The following RPS6KA5 variants were observed in gnomAD, a reference collection of about 807,000 sequenced individuals.
RPS6KA5 encodes ribosomal protein S6 kinase alpha-5.
Under a neutral mutation model 85.5 loss-of-function variants are expected in RPS6KA5, and 27 were observed. That is an observed-to-expected ratio of 0.32 (90% CI 0.23 to 0.44). The LOEUF (loss-of-function observed/expected upper bound fraction) is 0.44, where lower values mean the gene tolerates loss of function less well. RPS6KA5 is among the 20% of genes least tolerant of loss of function. RPS6KA5 has a pLI of 1.00. For missense variants in RPS6KA5, 811 were observed against 980.9 expected, an observed-to-expected ratio of 0.83 and a Z score of 2.31; for synonymous variants, 334 against 348.2, an observed-to-expected ratio of 0.96 and a Z score of 0.46.
At chr14:91,050,007 G>A (rs1566908809) in intron 1 of RPS6KA5, among the ~76,000 whole-genome samples, 1 of 152,216 alleles carries the variant, frequency 6.6e-6, no homozygotes, top group African/African-American at 2.4e-5. Flanking sequence ...TCATTATGCA[G>A]CTCATGAATA....
chr14:90,910,629 A>G (rs1266100608), intron 7 of RPS6KA5, among the ~76,000 whole-genome samples: 3 of 151,708 alleles, frequency 2.0e-5, no homozygotes, highest in African/African-American at 7.3e-5. Context: ...ACCTTTAAGC[A>G]CAAGTCTTAG....
chr14:90,894,727 G>T, intron 12 of RPS6KA5, 144 bp from the exon 13 acceptor site: 1 of 1,005,652 alleles, frequency 9.9e-7, no homozygotes, highest in Non-Finnish European at 1.4e-6. Flanking sequence ...ATATCTTAGA[G>T]AAAAGGGCTG....
At chr14:91,003,937 A>G (rs2040893311) in intron 1 of RPS6KA5, among the ~76,000 whole-genome samples, 1 of 152,244 alleles carries the variant, frequency 6.6e-6, no homozygotes, top group Non-Finnish European at 1.5e-5. Context: ...GTATCTGCAC[A>G]GGGCAAAGGG....
chr14:90,918,874 G>T (rs938781561), intron 7 of RPS6KA5, among the ~76,000 whole-genome samples: 4 of 151,976 alleles, frequency 2.6e-5, no homozygotes, highest in Non-Finnish European at 1.5e-5. Flanking sequence ...CTGTAACTTA[G>T]AACAAAGTTT....
At chr14:90,914,309 GTTTT>G (rs10658805) in intron 7 of RPS6KA5, among the ~76,000 whole-genome samples, 8 of 81,520 alleles carry the variant, frequency 9.8e-5, no homozygotes, top group African/African-American at 2.9e-4. Context: ...GATCCCTAGG[GTTTT>G]TTTTTTTTTT....
At chr14:91,011,916 A>T (rs990677748) in intron 1 of RPS6KA5, among the ~76,000 whole-genome samples, 1 of 152,362 alleles carries the variant, frequency 6.6e-6, no homozygotes, top group East Asian at 1.9e-4. Context: ...GAACAATTAT[A>T]AAAAGTAACA....
chr14:90,877,202 T>C lies in RPS6KA5; in HGVS notation c.1837-1842A>G, dbSNP rs1350391199. Reference sequence around the variant, plus strand: ...CTGAGAAGAATAAAAACTATATGCATGAGAATGCGCAGAGTTTGAAAATAG... The same window carrying C: ...CTGAGAAGAATAAAAACTATATGCACGAGAATGCGCAGAGTTTGAAAATAG... On this transcript the variant is annotated intron_variant, in intron 14 of 16. Coordinates refer to ENST00000614987, the MANE Select transcript of RPS6KA5 (RefSeq NM_004755.4). Among the ~76,000 whole-genome samples, 4 of 152,234 alleles carry C rather than the reference T, an allele frequency of 2.6e-5. No individual in the cohort carries two copies. In the East Asian group the frequency reaches 7.7e-4, roughly 29 times the overall value.
chr14:90,980,110 T>C (rs180831390), intron 2 of RPS6KA5, among the ~76,000 whole-genome samples: 123 of 152,278 alleles, frequency 8.1e-4, no homozygotes, highest in African/African-American at 2.8e-3. Context: ...ATCAACAAGA[T>C]GAAATGACAA....
rs548407948 is a variant in RPS6KA5, at chr14:90,904,208, C to T, written c.958-1239G>A. Among the ~76,000 whole-genome samples, 18 of 152,094 alleles carry T rather than the reference C, an allele frequency of 1.2e-4. No homozygotes were observed. The South Asian group carries it at 1.2e-3, about 11-fold the overall frequency. On this transcript the variant is annotated intron_variant, in intron 8 of 16. Transcript: ENST00000614987. ...TAGTGATCCGCCCACCTTGGCCTCC[C>T]GAAGTGCTTCAGAAAGGTGTTAAGC...
At chr14:90,930,577 G>A (rs2036920692) in intron 5 of RPS6KA5, among the ~76,000 whole-genome samples, 1 of 151,910 alleles carries the variant, frequency 6.6e-6, no homozygotes, top group Non-Finnish European at 1.5e-5. Context: ...AATATCGAAG[G>A]AAAGAAACAG....
intron 14 of RPS6KA5, among the ~76,000 whole-genome samples, chr14:90,883,689 T>C (rs998914769): frequency 1.3e-5 from 2 of 152,228 alleles, no homozygotes; most frequent in Non-Finnish European, 2.9e-5. Flanking sequence ...TGTTTCTTTA[T>C]ATACCTTGTG....
chr14:91,004,450 C>T (rs1179489009), intron 1 of RPS6KA5, among the ~76,000 whole-genome samples: 1 of 152,118 alleles, frequency 6.6e-6, no homozygotes, highest in Non-Finnish European at 1.5e-5. Context: ...TACAATAGTC[C>T]TCAAAGTTAT....
intron 7 of RPS6KA5, among the ~76,000 whole-genome samples, chr14:90,916,963 C>T (rs1465219892): frequency 6.6e-6 from 1 of 152,086 alleles, no homozygotes; most frequent in Non-Finnish European, 1.5e-5. Context: ...CACACTCAGA[C>T]CTACAGTGGA....
intron 8 of RPS6KA5, among the ~76,000 whole-genome samples, chr14:90,903,295 A>G (rs1360407193): frequency 6.6e-6 from 1 of 152,198 alleles, no homozygotes; most frequent in African/African-American, 2.4e-5. Context: ...GTTAAGCCAA[A>G]AAGAAAACAA....
At chr14:91,010,181 G>A (rs532908530) in intron 1 of RPS6KA5, among the ~76,000 whole-genome samples, 1 of 152,082 alleles carries the variant, frequency 6.6e-6, no homozygotes, top group South Asian at 2.1e-4. Flanking sequence ...ATTTTTTAAA[G>A]TTTAAAAGGA....
intron 2 of RPS6KA5, among the ~76,000 whole-genome samples, chr14:90,983,772 CCTTTCTT>C (rs2039914544): frequency 6.8e-6 from 1 of 146,078 alleles, no homozygotes; most frequent in Non-Finnish European, 1.5e-5. Context: ...TTCTTTCTTT[CCTTTCTT>C]TCTTTCTTTC....
rs575696911 is a variant in RPS6KA5, at chr14:90,852,280, G to T, written c.*19794C>A. On this transcript the variant is annotated 3_prime_UTR_variant, in exon 17 of 17. Coordinates refer to ENST00000614987, the MANE Select transcript of RPS6KA5 (RefSeq NM_004755.4). Reference sequence around the variant, plus strand: ...TGGCTAATTTTTTGTATTTTTATTAGAGACGGGGTTTCACCATGTTAGCCA... The same window carrying T: ...TGGCTAATTTTTTGTATTTTTATTATAGACGGGGTTTCACCATGTTAGCCA... The T allele has an allele frequency of 6.6e-6, 1 of 151,934 alleles. No homozygotes were observed. Among genetic ancestry groups the T allele is most frequent in the East Asian group, 1.9e-4 (1 of 5,164 alleles). The allele number at this position is 151,934 out of a possible 1,614,324, so 9.4% of individuals were successfully genotyped here.
chr14:90,923,428 T>TCATCCATCCATCCATC (rs3832953), intron 5 of RPS6KA5, among the ~76,000 whole-genome samples: 1,615 of 150,928 alleles, frequency 0.011, 39 homozygotes, highest in African/African-American at 0.037. Flanking sequence ...AATGGTACCA[T>TCATCCATCCATCCATC]CATCCATCCA....
chr14:90,976,079 G>A (rs1336284194), intron 3 of RPS6KA5, among the ~76,000 whole-genome samples: 1 of 151,294 alleles, frequency 6.6e-6, no homozygotes, highest in African/African-American at 2.4e-5. Context: ...AAGGACTACT[G>A]TTTTCTAGTC....
Sources: gnomAD v4.1 joint callset for allele counts (sites outside exome capture counted in the v4.1 genomes callset) on GRCh38, gnomAD v4.1.1 for gene constraint, MANE v1.5 for transcripts, NCBI Gene and HGNC (gene_info 2026-07-23, HGNC 2026-07-21) for gene names.